HTR4: variants seen among roughly 807,000 people sequenced by gnomAD.
HTR4 encodes the protein 5-hydroxytryptamine (serotonin) receptor 4, G protein-coupled.
A neutral mutation model predicts 36.8 loss-of-function variants in HTR4; 16 were observed. The observed-to-expected ratio is 0.43, with a 90% CI of 0.29 to 0.66. HTR4 has a LOEUF of 0.66. Ranked by LOEUF, HTR4 falls within the 30% of genes least tolerant of loss-of-function variation. The pLI, the probability that HTR4 is intolerant of heterozygous loss-of-function variation, is 0.13. For synonymous variants in HTR4, 189 were observed against 185.1 expected, an observed-to-expected ratio of 1.02 and a Z score of -0.17; for missense variants, 438 against 490.9, an observed-to-expected ratio of 0.89 and a Z score of 1.02.
At chr5:148,496,673 T>A (rs1296206365) in intron 6 of HTR4, among the ~76,000 whole-genome samples, 1 of 152,126 alleles carries the variant, frequency 6.6e-6, no homozygotes, top group Non-Finnish European at 1.5e-5. Context: ...CTGCCCAAAC[T>A]TTGAGCAGAC....
Position 148,482,946 on chromosome 5 carries a change from G to T in HTR4, c.*257C>A. 3 of 1,360,572 alleles carry T rather than the reference G, an allele frequency of 2.2e-6. No individual in the cohort carries two copies. The highest frequency in any genetic ancestry group is 2.9e-6 in the Non-Finnish European group (3 of 1,052,058). 84.3% of individuals were successfully genotyped at this position (1,360,572 alleles called of 1,614,324 possible). A position where few individuals can be genotyped will look rare whatever the true frequency, so the allele number is the denominator to read the frequency against. On this transcript the variant is annotated 3_prime_UTR_variant, in exon 7 of 7. Coordinates refer to ENST00000377888, the MANE Select transcript of HTR4 (RefSeq NM_000870.7). Reference sequence around the variant, plus strand: ...ATGTCAGAGACACCAGAGACCACGCGGCAAAAGCAGAGAATCTGGGAAGAG... The same window carrying T: ...ATGTCAGAGACACCAGAGACCACGCTGCAAAAGCAGAGAATCTGGGAAGAG...
intron 1 of HTR4, among the ~76,000 whole-genome samples, chr5:148,651,350 G>A (rs1163288507): frequency 1.3e-5 from 2 of 152,142 alleles, no homozygotes; most frequent in East Asian, 3.9e-4. Context: ...GGGTGGGAAG[G>A]CAGCTAGCAC....
chr5:148,478,079 G>A (rs1755756997), downstream of HTR4, among the ~76,000 whole-genome samples: 1 of 152,200 alleles, frequency 6.6e-6, no homozygotes, highest in Non-Finnish European at 1.5e-5. Flanking sequence ...AGAGAGTAGA[G>A]ACCTTGTCCG....
chr5:148,626,816 A>C (rs996039600), intron 2 of HTR4, among the ~76,000 whole-genome samples: 3 of 152,186 alleles, frequency 2.0e-5, no homozygotes, highest in Admixed American at 2.0e-4. Context: ...TTGACCATAG[A>C]GCAGATATGA....
chr5:148,574,818 C>T (rs1760828514), intron 2 of HTR4, among the ~76,000 whole-genome samples: 1 of 152,040 alleles, frequency 6.6e-6, no homozygotes, highest in Non-Finnish European at 1.5e-5. Flanking sequence ...AGTGAAATTT[C>T]CACCCACCAC....
chr5:148,533,021 C>T (rs531379861), intron 4 of HTR4, among the ~76,000 whole-genome samples: 17 of 152,302 alleles, frequency 1.1e-4, no homozygotes, highest in Admixed American at 4.6e-4. Flanking sequence ...AGCTGGAAAA[C>T]GTCCATCGTA....
intron 5 of HTR4, chr5:148,521,047 G>C (rs960198614): frequency 7.4e-7 from 1 of 1,352,206 alleles, no homozygotes; most frequent in South Asian, 1.2e-5. Context: ...GGGTCCTGTT[G>C]CTCTTAATCT....
chr5:148,606,055 T>C (rs1171259665), intron 2 of HTR4, among the ~76,000 whole-genome samples: 2 of 152,136 alleles, frequency 1.3e-5, no homozygotes, highest in Non-Finnish European at 2.9e-5. Context: ...GATTTTAATA[T>C]ATATGGAATT....
At chr5:148,539,646 A>C (rs192624235) in intron 4 of HTR4, among the ~76,000 whole-genome samples, 149 of 152,356 alleles carry the variant, frequency 9.8e-4, no homozygotes, top group Admixed American at 1.8e-3. Flanking sequence ...ATCGTTAAAG[A>C]AATGCAAATC....
chr5:148,455,565 G>A, intron 5 of HTR4, among the ~76,000 whole-genome samples: 1 of 152,172 alleles, frequency 6.6e-6, no homozygotes, highest in Non-Finnish European at 1.5e-5. Context: ...TCTCCAGAGG[G>A]CAGTTGAAAG....
Position 148,637,046 on chromosome 5 carries a change from C to A in HTR4, c.-32G>T, listed in dbSNP as rs1184580520. The A allele has an allele frequency of 6.2e-7, 1 of 1,608,594 alleles. No individual in the cohort carries two copies. Among genetic ancestry groups the A allele is most frequent in the Non-Finnish European group, 8.5e-7 (1 of 1,175,636 alleles). On this transcript the variant is annotated 5_prime_UTR_variant, in exon 2 of 7. Coordinates refer to ENST00000377888, the MANE Select transcript of HTR4 (RefSeq NM_000870.7). ...AAATAAGCATGAGTGAGTTGGATTT[C>A]AATGCCCACAGGGTCCTAAAATGGG...
chr5:148,532,436 T>C (rs558855474), intron 4 of HTR4, among the ~76,000 whole-genome samples: 2 of 152,234 alleles, frequency 1.3e-5, no homozygotes, highest in South Asian at 4.1e-4. Flanking sequence ...TAAAATGTAA[T>C]AAACTCTCAA....
At chr5:148,483,621 C>A (rs147545202) in intron 6 of HTR4, among the ~76,000 whole-genome samples, 4 of 152,274 alleles carry the variant, frequency 2.6e-5, no homozygotes, top group Admixed American at 6.5e-5. Context: ...CTACACATTC[C>A]GATTTTCTTT....
In HTR4 at chr5:148,620,508, G is replaced by T. The variant is rs184595894; in HGVS notation, c.26+16481C>A. Among the ~76,000 whole-genome samples, 356 of 152,288 alleles carry T rather than the reference G, an allele frequency of 2.3e-3. 2 individuals are homozygous for T. The highest frequency in any genetic ancestry group is 8.3e-3 in the African/African-American group (344 of 41,548). On this transcript the variant is annotated intron_variant, in intron 2 of 6. Coordinates refer to ENST00000377888, the MANE Select transcript of HTR4 (RefSeq NM_000870.7). ...CTGTAATGTGGCTGGACAGAATTCA[G>T]CTGGGCTGTAAGTGGAAAATGCACA...
intron 2 of HTR4, among the ~76,000 whole-genome samples, chr5:148,613,519 T>C (rs923862472): frequency 7.3e-5 from 11 of 151,562 alleles, no homozygotes; most frequent in African/African-American, 2.2e-4. Flanking sequence ...TAGGTATTGA[T>C]GGGATGTATC....
In HTR4 at chr5:148,551,840, C is replaced by T. The variant is rs574353678; in HGVS notation, c.27-1578G>A. On this transcript the variant is annotated intron_variant, in intron 2 of 6. Coordinates refer to ENST00000377888, the MANE Select transcript of HTR4 (RefSeq NM_000870.7). ...TAAAAGCTGTCCTGGGCTGCCTGTG[C>T]CCCGACAGGCCATGGGTTAGACAAG... is the stretch of plus-strand genomic sequence containing the variant. 2.0e-5 allele frequency among the ~76,000 whole-genome samples: 3 copies of T among 152,242 alleles called. No homozygotes were observed. The South Asian group carries it at 6.2e-4, about 32-fold the overall frequency.
intron 2 of HTR4, among the ~76,000 whole-genome samples, chr5:148,553,104 T>C (rs1180544615): frequency 6.6e-6 from 1 of 152,226 alleles, no homozygotes. Flanking sequence ...GTGTTAGGCA[T>C]TGTTGTATGT....
intron 1 of HTR4, among the ~76,000 whole-genome samples, chr5:148,639,992 C>T (rs1561664684): frequency 6.6e-6 from 1 of 152,064 alleles, no homozygotes; most frequent in Admixed American, 6.6e-5. Context: ...CTCCTCCAAC[C>T]TTTGAGTCCA....
chr5:148,582,067 G>T (rs1287021343), intron 2 of HTR4, among the ~76,000 whole-genome samples: 1 of 151,808 alleles, frequency 6.6e-6, no homozygotes, highest in Non-Finnish European at 1.5e-5. Flanking sequence ...TTATTCCTAG[G>T]TATTTTATTC....
Sources: gnomAD v4.1 joint callset for allele counts (sites outside exome capture counted in the v4.1 genomes callset) on GRCh38, gnomAD v4.1.1 for gene constraint, MANE v1.5 for transcripts, NCBI Gene and HGNC (gene_info 2026-07-23, HGNC 2026-07-21) for gene names.